Variants in ERICH3 observed in about 807,000 individuals in gnomAD.
ERICH3 encodes the protein glutamate-rich protein 3.
A neutral mutation model predicts 131.1 loss-of-function variants in ERICH3; 126 were observed. That is an observed-to-expected ratio of 0.96 (90% confidence interval 0.83 to 1.11). The LOEUF is 1.11. Among genes scored for constraint, ERICH3 ranks in the 50% most tolerant of loss-of-function variants. The pLI is 0.00. For synonymous variants in ERICH3, 695 were observed against 644.6 expected (o/e 1.08, Z -1.18); for missense variants, 2,050 against 1,810.7 (o/e 1.13, Z -2.40).
chr1:74,613,870 G>A (rs982460812), intron 8 of ERICH3, among the ~76,000 whole-genome samples: 2 of 152,076 alleles, frequency 1.3e-5, no homozygotes, highest in African/African-American at 2.4e-5. Flanking sequence ...AAAGAAAAAA[G>A]AAAAGAAAAG....
At chr1:74,640,583 TA>T (rs1247219063) in intron 5 of ERICH3, among the ~76,000 whole-genome samples, 2 of 152,156 alleles carry the variant, frequency 1.3e-5, no homozygotes, top group African/African-American at 4.8e-5. Context: ...ATTTACAACT[TA>T]AACCATCAAC....
intron 13 of ERICH3, among the ~76,000 whole-genome samples, chr1:74,573,705 G>A (rs1647001980): frequency 6.6e-6 from 1 of 152,104 alleles, no homozygotes; most frequent in Admixed American, 6.6e-5. Context: ...ATTATGAAAA[G>A]AAATGTCTTC....
At chr1:74,577,000 C>T (rs1440185470) in intron 12 of ERICH3, 64 bp from the exon 13 acceptor site, 4 of 1,449,800 alleles carry the variant, frequency 2.8e-6, no homozygotes, top group African/African-American at 2.9e-5. Flanking sequence ...TACCATGGTT[C>T]TCCATCTCTC....
chr1:74,644,171 C>T (rs909484242), intron 3 of ERICH3, among the ~76,000 whole-genome samples: 1 of 151,972 alleles, frequency 6.6e-6, no homozygotes, highest in African/African-American at 2.4e-5. Flanking sequence ...CTTAGGAACC[C>T]TGCAGACTCA....
At chr1:74,584,908 T>C (rs1055094541) in intron 12 of ERICH3, among the ~76,000 whole-genome samples, 3 of 152,290 alleles carry the variant, frequency 2.0e-5, no homozygotes, top group African/African-American at 7.2e-5. Context: ...CACTTGACTT[T>C]CTTGTTCTTT....
chr1:74,631,786 C>A lies in ERICH3; in HGVS notation c.746G>T (p.Arg249Ile). ...PPTGKITREN[R>I]SETWRRRRFR... ...TCTTCTCCTTCTCCATGTTTCAGAT[C>A]TATTTTCTCTTGTGATTTTCCCAGT... is the stretch of plus-strand genomic sequence containing the variant. The change falls in exon 7 of 15, where the codon AGA becomes ATA. Residue 249 changes from arginine to isoleucine, a missense_variant. Arg to Ile is a moderately conservative substitution (Grantham distance 97). Coordinates refer to ENST00000326665, the MANE Select transcript of ERICH3 (RefSeq NM_001002912.5). 1 of 1,613,612 alleles carries A rather than the reference C, an allele frequency of 6.2e-7. No individual in the cohort carries two copies. Among genetic ancestry groups the A allele is most frequent in the Non-Finnish European group, 8.5e-7 (1 of 1,179,692 alleles).
chr1:74,604,297 C>T (rs1387503691), intron 10 of ERICH3, among the ~76,000 whole-genome samples: 2 of 151,880 alleles, frequency 1.3e-5, no homozygotes, highest in African/African-American at 4.8e-5. Context: ...ACCACATCTG[C>T]AATTACTTCC....
At position 74,572,086 on chromosome 1, in the gene ERICH3, G is replaced by A. The variant is rs1192784561; in HGVS notation, c.3624C>T (p.His1208=). 8 of 1,614,062 alleles carry A rather than the reference G, an allele frequency of 5.0e-6. No homozygotes were observed. The highest frequency in any genetic ancestry group is 3.3e-5 in the Admixed American group (2 of 60,006). The change falls in exon 14 of 15, where the codon CAC becomes CAT. Residue 1208 remains histidine (H), a synonymous_variant. Transcript: ENST00000326665. ...SRENRALKEG[H]RQDGEGALAA... is the part of the protein sequence containing the mutation. ...CTAAGGCCCCCTCTCCATCTTGGCG[G>A]TGCCCTTCCTTCAGGGCCCTATTCT... is the stretch of plus-strand genomic sequence containing the variant.
intron 7 of ERICH3, chr1:74,621,329 T>A (rs1272964736): frequency 6.5e-6 from 1 of 153,232 alleles, no homozygotes; most frequent in Non-Finnish European, 1.5e-5. Flanking sequence ...AACATCATTT[T>A]GTTTCAGTTT....
At chr1:74,610,287 T>G (rs1019670314) in intron 9 of ERICH3, among the ~76,000 whole-genome samples, 4 of 151,432 alleles carry the variant, frequency 2.6e-5, no homozygotes, top group African/African-American at 9.7e-5. Context: ...CTCTCAGCCT[T>G]ATCCTCAGTT....
intron 11 of ERICH3, among the ~76,000 whole-genome samples, chr1:74,592,879 A>C (rs1419665265): frequency 2.0e-5 from 3 of 152,286 alleles, no homozygotes; most frequent in African/African-American, 4.8e-5. Flanking sequence ...AAAAAGCTTC[A>C]GGGTTATGAA....
chr1:74,572,272 T>G lies in ERICH3; in HGVS notation c.3438A>C (p.Glu1146Asp). Residue 1146 changes from glutamate (E) to aspartate (D), a missense_variant, in exon 14 of 15, where the codon GAA becomes GAC. Glu to Asp is a conservative substitution (Grantham distance 45). Transcript: ENST00000326665. Reference protein sequence around the residue: ...ELSDNPGLLGEDSLKETVVPI... With the variant: ...ELSDNPGLLGDDSLKETVVPI... The stretch of plus-strand genomic sequence containing the variant: ...GAACCACTGTCTCTTTTAGTGAATC[T>G]TCTCCTAGAAGCCCTGGATTGTCAG... 1.2e-6 allele frequency: 2 copies of G among 1,614,098 alleles called. No individual in the cohort carries two copies. The highest frequency in any genetic ancestry group is 1.7e-6 in the Non-Finnish European group (2 of 1,180,024).
At chr1:74,599,596 A>C in intron 11 of ERICH3, 99 bp downstream of exon 11, 2 of 1,033,714 alleles carry the variant, frequency 1.9e-6, no homozygotes, top group Non-Finnish European at 2.8e-6. Context: ...TACATTCAAG[A>C]GAAAAAAAAG....
At chr1:74,661,074 T>TA (rs1248660884) in intron 1 of ERICH3, among the ~76,000 whole-genome samples, 1 of 152,028 alleles carries the variant, frequency 6.6e-6, no homozygotes, top group Non-Finnish European at 1.5e-5. Context: ...ATAAACTTAC[T>TA]ATGTGTGTTG....
chr1:74,650,863 TG>T, intron 1 of ERICH3, among the ~76,000 whole-genome samples: 1 of 151,792 alleles, frequency 6.6e-6, no homozygotes. Flanking sequence ...TGTGTGTGTG[TG>T]TGTGTATACT....
At chr1:74,662,359 A>G (rs1157463599) in intron 1 of ERICH3, among the ~76,000 whole-genome samples, 1 of 152,212 alleles carries the variant, frequency 6.6e-6, no homozygotes, top group Non-Finnish European at 1.5e-5. Context: ...TATGGGAAAG[A>G]AGATTTTAAA....
intron 12 of ERICH3, among the ~76,000 whole-genome samples, chr1:74,580,415 A>C (rs1299999255): frequency 6.6e-6 from 1 of 152,196 alleles, no homozygotes; most frequent in Non-Finnish European, 1.5e-5. Context: ...ATTTTTGCAC[A>C]TATTTCTGAC....
rs750905834 is a variant in ERICH3, at chr1:74,572,584, C to G, written c.3126G>C (p.Arg1042Ser). The change falls in exon 14 of 15, where the codon AGG becomes AGC. Residue 1042 changes from arginine (R) to serine (S), a missense_variant. Arg to Ser is a moderately radical substitution (Grantham distance 110). Transcript: ENST00000326665. Reference sequence around the variant, plus strand: ...GTAAAATTTCTTTCCTATCATCTTCCCTATTAGCTTCTGCCTCAGTCACCA... The same window carrying G: ...GTAAAATTTCTTTCCTATCATCTTCGCTATTAGCTTCTGCCTCAGTCACCA... ...EEMVTEAEAN[R>S]EDDRKEILPK... 22 of 1,613,830 alleles carry G rather than the reference C, an allele frequency of 1.4e-5. No homozygotes were observed. The East Asian group carries it at 4.9e-4, about 36-fold the overall frequency.
Position 74,573,328 on chromosome 1 carries a change from C to G in ERICH3, c.2382G>C (p.Glu794Asp), listed in dbSNP as rs975138249. 6.2e-7 allele frequency: 1 copy of G among 1,607,880 alleles called. No homozygotes were observed. The highest frequency in any genetic ancestry group is 8.5e-7 in the Non-Finnish European group (1 of 1,177,734). ...CTCCTGCTTCTCCCCACAGTGCTGCCTCCCCTTTTCCCTGTACTATGTCAG... is the reference window on the plus strand; with the variant it reads ...CTCCTGCTTCTCCCCACAGTGCTGCGTCCCCTTTTCCCTGTACTATGTCAG... ...RDADIVQGKGEAALWGEAGAV... is the reference protein window; with the variant it reads ...RDADIVQGKGDAALWGEAGAV... Residue 794 changes from glutamate (E) to aspartate (D), a missense_variant, in exon 14 of 15, where the codon GAG (glutamate) becomes GAC (aspartate). Transcript: ENST00000326665.
Sources: allele counts gnomAD v4.1 joint callset (sites outside exome capture counted in the v4.1 genomes callset), GRCh38; gene constraint gnomAD v4.1.1; transcripts MANE v1.5; gene names NCBI Gene and HGNC (gene_info 2026-07-23, HGNC 2026-07-21).